Variants in PHACTR3 observed in about 807,000 individuals in gnomAD.
PHACTR3 encodes the protein protein phosphatase 1, regulatory subunit 123.
A neutral mutation model predicts 66.8 loss-of-function variants in PHACTR3; 16 were observed. The observed-to-expected ratio is 0.24, with a 90% CI of 0.16 to 0.36. PHACTR3 has a LOEUF of 0.36. Among genes scored for constraint, PHACTR3 ranks in the 10% least tolerant of loss-of-function variants. The pLI is 1.00. For synonymous variants in PHACTR3, 323 were observed against 292.1 expected, an observed-to-expected ratio of 1.11 and a Z score of -1.08; for missense variants, 647 against 719.9, an observed-to-expected ratio of 0.90 and a Z score of 1.16.
At chr20:59,577,807 C>G (rs1172820426) in intron 1 of PHACTR3, among the ~76,000 whole-genome samples, 4 of 152,330 alleles carry the variant, frequency 2.6e-5, no homozygotes, top group Non-Finnish European at 4.4e-5. Flanking sequence ...CCTCCTCCCC[C>G]TCGCAGCAAA....
chr20:59,641,038 G>A (rs2146423324), intron 1 of PHACTR3, among the ~76,000 whole-genome samples: 1 of 152,202 alleles, frequency 6.6e-6, no homozygotes, highest in Non-Finnish European at 1.5e-5. Flanking sequence ...TAGAGATAAT[G>A]TATGCATATA....
intron 7 of PHACTR3, among the ~76,000 whole-genome samples, chr20:59,780,099 A>G (rs1014093180): frequency 3.3e-5 from 5 of 152,174 alleles, no homozygotes; most frequent in African/African-American, 1.2e-4. Context: ...AGGGGCTGCT[A>G]TGGGAATCCG....
intron 3 of PHACTR3, among the ~76,000 whole-genome samples, chr20:59,750,202 C>T (rs2146798624): frequency 1.3e-5 from 2 of 151,878 alleles, no homozygotes; most frequent in Non-Finnish European, 2.9e-5. Context: ...GATCATGAGA[C>T]AGGACCTGAC....
intron 8 of PHACTR3, among the ~76,000 whole-genome samples, chr20:59,809,435 C>G (rs2041669632): frequency 6.6e-6 from 1 of 152,118 alleles, no homozygotes; most frequent in Non-Finnish European, 1.5e-5. Flanking sequence ...TCTCTGATTT[C>G]TGGTGAGGTT....
At chr20:59,608,239 G>A (rs975817821) in intron 1 of PHACTR3, among the ~76,000 whole-genome samples, 6 of 152,150 alleles carry the variant, frequency 3.9e-5, no homozygotes, top group South Asian at 2.1e-4. Context: ...TCCCATGGCC[G>A]GGTCTGTGGC....
chr20:59,618,254 TG>T (rs748803222), intron 1 of PHACTR3, among the ~76,000 whole-genome samples: 1 of 152,000 alleles, frequency 6.6e-6, no homozygotes, highest in Non-Finnish European at 1.5e-5. Flanking sequence ...GCCAGACGGT[TG>T]GGGCCTCCTG....
intron 1 of PHACTR3, among the ~76,000 whole-genome samples, chr20:59,632,650 C>T (rs907511725): frequency 2.6e-5 from 4 of 152,216 alleles, no homozygotes; most frequent in Non-Finnish European, 5.9e-5. Flanking sequence ...CTCAGTTAAA[C>T]ACTTCCTCCC....
intron 1 of PHACTR3, among the ~76,000 whole-genome samples, chr20:59,666,782 G>A (rs965770815): frequency 2.0e-5 from 3 of 152,236 alleles, no homozygotes; most frequent in Middle Eastern, 3.2e-3. Context: ...TCCCGGAGAG[G>A]AAGGGGACAT....
chr20:59,646,692 T>A (rs1485606121), intron 1 of PHACTR3, among the ~76,000 whole-genome samples: 2 of 152,126 alleles, frequency 1.3e-5, no homozygotes, highest in African/African-American at 2.4e-5. Flanking sequence ...GGAGCATGCA[T>A]CCCCCAGGAA....
rs1601177639 is a variant in PHACTR3, at chr20:59,718,495, G to A, written c.119-24612G>A. Among the ~76,000 whole-genome samples the A allele has an allele frequency of 2.6e-5, 4 of 152,142 alleles. No individual in the cohort carries two copies. In the East Asian group the frequency reaches 7.7e-4, roughly 29 times the overall value. ...TCTACAAGGGTCAAATCCAGTGTGT[G>A]CAGTGCCTGGAATTAGAGGAAAGAG... is the stretch of plus-strand genomic sequence containing the variant. On this transcript the variant is annotated intron_variant, in intron 1 of 12. Transcript: ENST00000371015.
At chr20:59,687,540 G>A (rs919573855) in intron 1 of PHACTR3, among the ~76,000 whole-genome samples, 2 of 152,134 alleles carry the variant, frequency 1.3e-5, no homozygotes, top group Non-Finnish European at 2.9e-5. Flanking sequence ...CTGATGAGAG[G>A]ATCATGATTT....
intron 11 of PHACTR3, chr20:59,844,766 C>T (rs1403540338): frequency 6.6e-6 from 1 of 152,520 alleles, no homozygotes; most frequent in Non-Finnish European, 1.5e-5. Context: ...TGTTCTATAG[C>T]AGAGTAGGGT....
intron 1 of PHACTR3, among the ~76,000 whole-genome samples, chr20:59,579,742 G>A (rs2032809363): frequency 6.6e-6 from 1 of 152,224 alleles, no homozygotes; most frequent in South Asian, 2.1e-4. Context: ...GAGGACAGGA[G>A]GGTCCATCAG....
At chr20:59,699,321 CA>C (rs2037410037) in intron 1 of PHACTR3, among the ~76,000 whole-genome samples, 2 of 152,166 alleles carry the variant, frequency 1.3e-5, no homozygotes, top group African/African-American at 4.8e-5. Context: ...GGCCCCAAAC[CA>C]AAAACTTCAA....
At chr20:59,755,811 A>T (rs564338083) in intron 4 of PHACTR3, among the ~76,000 whole-genome samples, 116 of 152,294 alleles carry the variant, frequency 7.6e-4, no homozygotes, top group Non-Finnish European at 1.3e-3. Flanking sequence ...GAGATGCTGA[A>T]GTCCCTGCAT....
chr20:59,756,693 T>C (rs2039807476), intron 4 of PHACTR3, among the ~76,000 whole-genome samples: 1 of 151,944 alleles, frequency 6.6e-6, no homozygotes, highest in African/African-American at 2.4e-5. Context: ...TTTTTAATAC[T>C]TTAAGTTCTA....
chr20:59,843,071 C>T (rs2059093350), intron 11 of PHACTR3, among the ~76,000 whole-genome samples: 1 of 151,946 alleles, frequency 6.6e-6, no homozygotes, highest in Non-Finnish European at 1.5e-5. Context: ...TTTCTATAAA[C>T]TAATAATGGA....
In PHACTR3 at chr20:59,743,219, C is replaced by T. The variant is rs1383810241; in HGVS notation, c.231C>T (p.Pro77=). 13 of 1,614,012 alleles carry T rather than the reference C, an allele frequency of 8.1e-6. No homozygotes were observed. The highest frequency in any genetic ancestry group is 9.3e-6 in the Non-Finnish European group (11 of 1,180,004). ...KLATLGRIFK[P]WKWRKKKNEK... ...CCACCCTGGGCAGGATCTTCAAACC[C>T]TGGAAATGGAGGAAAAAGAAAAACG... The change falls in exon 2 of 13, where the codon CCC becomes CCT. Residue 77 remains proline, a synonymous_variant. Transcript: ENST00000371015.
At chr20:59,622,636 G>A (rs996305430) in intron 1 of PHACTR3, among the ~76,000 whole-genome samples, 1 of 152,190 alleles carries the variant, frequency 6.6e-6, no homozygotes, top group South Asian at 2.1e-4. Flanking sequence ...AGACTGCCCC[G>A]GCACCTCGCT....
Sources: allele counts gnomAD v4.1 joint callset (sites outside exome capture counted in the v4.1 genomes callset), GRCh38; gene constraint gnomAD v4.1.1; transcripts MANE v1.5; gene names NCBI Gene and HGNC (gene_info 2026-07-23, HGNC 2026-07-21).